The following EPHA3 variants were observed in gnomAD, a reference collection of about 807,000 sequenced individuals.
EPHA3 encodes the protein EPH receptor A3.
A neutral mutation model predicts 107.1 loss-of-function variants in EPHA3; 42 were observed. That is an observed-to-expected ratio of 0.39 (90% CI 0.31 to 0.51). The LOEUF is 0.51. EPHA3 is among the 20% of genes least tolerant of loss of function. EPHA3 has a pLI of 0.78. For synonymous variants in EPHA3, 461 were observed against 424.8 expected, an observed-to-expected ratio of 1.09 and a Z score of -1.05; for missense variants, 1,183 against 1,211.2, an observed-to-expected ratio of 0.98 and a Z score of 0.35.
At chr3:89,113,485 C>CAAAAAAAAA (rs753848304) in intron 1 of EPHA3, among the ~76,000 whole-genome samples, 2,451 of 31,090 alleles carry the variant, frequency 0.079, 885 homozygotes, top group Non-Finnish European at 0.12. Context: ...TTCCTTTGTA[C>CAAAAAAAAA]AAAAAAAAAA....
intron 5 of EPHA3, among the ~76,000 whole-genome samples, chr3:89,374,286 C>T (rs1233759621): frequency 1.3e-5 from 2 of 151,818 alleles, no homozygotes. Flanking sequence ...TAGATTTTTG[C>T]AGAATCATCT....
chr3:89,231,554 T>C (rs1387247921), intron 3 of EPHA3, among the ~76,000 whole-genome samples: 1 of 152,150 alleles, frequency 6.6e-6, no homozygotes, highest in African/African-American at 2.4e-5. Context: ...TTTTGGACAA[T>C]ATAGAATAGT....
chr3:89,284,690 A>C (rs998513807), intron 3 of EPHA3, among the ~76,000 whole-genome samples: 7 of 152,192 alleles, frequency 4.6e-5, no homozygotes, highest in Non-Finnish European at 1.0e-4. Context: ...ATCTAAAGTG[A>C]AATTCAACTT....
At chr3:89,187,330 TAATA>T (rs1391818736) in intron 2 of EPHA3, among the ~76,000 whole-genome samples, 1 of 148,408 alleles carries the variant, frequency 6.7e-6, no homozygotes, top group East Asian at 1.9e-4. Flanking sequence ...ATTAATAAAT[TAATA>T]AATATTAATA....
At chr3:89,252,749 A>G (rs1705193289) in intron 3 of EPHA3, among the ~76,000 whole-genome samples, 1 of 151,872 alleles carries the variant, frequency 6.6e-6, no homozygotes, top group South Asian at 2.1e-4. Context: ...ATATTATTCA[A>G]GTTTTTCATG....
chr3:89,324,155 CTT>C (rs749957896), intron 3 of EPHA3, among the ~76,000 whole-genome samples: 44 of 118,952 alleles, frequency 3.7e-4, no homozygotes, highest in Middle Eastern at 4.4e-3. Flanking sequence ...AGATGTCAGT[CTT>C]TTTTTTTTTT....
intron 3 of EPHA3, among the ~76,000 whole-genome samples, chr3:89,329,528 C>T (rs1576315066): frequency 6.6e-6 from 1 of 152,162 alleles, no homozygotes; most frequent in East Asian, 1.9e-4. Context: ...CCCATTCTTC[C>T]TGTCCTCTAA....
intron 5 of EPHA3, among the ~76,000 whole-genome samples, chr3:89,389,144 C>T (rs551099738): frequency 9.2e-5 from 14 of 152,164 alleles, no homozygotes; most frequent in Middle Eastern, 3.4e-3. Flanking sequence ...GGTTTTGTAG[C>T]TAAAATAGAA....
At chr3:89,184,565 C>A (rs988081867) in intron 2 of EPHA3, among the ~76,000 whole-genome samples, 5 of 151,988 alleles carry the variant, frequency 3.3e-5, no homozygotes, top group Admixed American at 6.6e-5. Context: ...ACTGGAACAA[C>A]CAAACTCTTA....
intron 10 of EPHA3, 125 bp from the exon 11 acceptor site, chr3:89,419,080 T>A (rs1709304806): frequency 1.1e-6 from 1 of 939,154 alleles, no homozygotes; most frequent in Non-Finnish European, 1.6e-6. Context: ...TACTAGAGTG[T>A]ACATCTTGCA....
intron 15 of EPHA3, among the ~76,000 whole-genome samples, chr3:89,460,823 CTTT>C (rs753656853): frequency 1.9e-5 from 2 of 103,032 alleles, no homozygotes; most frequent in Admixed American, 9.7e-5. Context: ...CTCTGTCTCT[CTTT>C]TTTTTTTTTT....
chr3:89,114,941 C>A (rs1484407461), intron 1 of EPHA3, among the ~76,000 whole-genome samples: 1 of 152,196 alleles, frequency 6.6e-6, no homozygotes, highest in Non-Finnish European at 1.5e-5. Flanking sequence ...GATCTACGAT[C>A]GCCCTGCCGC....
chr3:89,380,973 T>C (rs1708491926), intron 5 of EPHA3, among the ~76,000 whole-genome samples: 1 of 151,462 alleles, frequency 6.6e-6, no homozygotes, highest in Non-Finnish European at 1.5e-5. Context: ...TATAGGCTGT[T>C]TGTTTGTTTC....
intron 1 of EPHA3, among the ~76,000 whole-genome samples, chr3:89,109,573 C>T (rs1199509909): frequency 2.0e-5 from 3 of 151,680 alleles, no homozygotes; most frequent in East Asian, 1.9e-4. Flanking sequence ...GGAAAACAAC[C>T]TTTAAGTAAA....
chr3:89,222,210 T>C (rs1208006434), intron 3 of EPHA3, among the ~76,000 whole-genome samples: 5 of 151,806 alleles, frequency 3.3e-5, no homozygotes, highest in African/African-American at 9.7e-5. Flanking sequence ...GCTTGCACAA[T>C]ATGCTTCATT....
At chr3:89,447,896 G>A (rs1709907932) in intron 13 of EPHA3, among the ~76,000 whole-genome samples, 1 of 152,120 alleles carries the variant, frequency 6.6e-6, no homozygotes, top group African/African-American at 2.4e-5. Flanking sequence ...GCCCCCTTGA[G>A]CATCACTTCA....
intron 2 of EPHA3, among the ~76,000 whole-genome samples, chr3:89,180,238 A>G (rs1054439845): frequency 2.0e-5 from 3 of 151,968 alleles, no homozygotes; most frequent in African/African-American, 7.2e-5. Context: ...CATCTAAGAT[A>G]TCTTAAATAG....
chr3:89,399,527 C>T lies in EPHA3; in HGVS notation c.1594+47C>T, dbSNP rs777161696. On this transcript the variant is annotated intron_variant, in intron 7 of 16. Coordinates refer to ENST00000336596, the MANE Select transcript of EPHA3 (RefSeq NM_005233.6). Reference sequence around the variant, plus strand: ...TCTAGAGGAGGGGGCAGGGATCTTGCAAAAGATGTCTGATCGTTTATTCTC... The same window carrying T: ...TCTAGAGGAGGGGGCAGGGATCTTGTAAAAGATGTCTGATCGTTTATTCTC... 1.2e-5 allele frequency: 19 copies of T among 1,597,278 alleles called. No individual in the cohort carries two copies. In the Admixed American group the frequency reaches 3.1e-4, roughly 26 times the overall value.
chr3:89,205,399 A>G (rs182830570), intron 2 of EPHA3, among the ~76,000 whole-genome samples: 1 of 152,324 alleles, frequency 6.6e-6, no homozygotes, highest in Admixed American at 6.5e-5. Flanking sequence ...TGCTATCTAG[A>G]AAATATAAAC....
Sources: allele counts gnomAD v4.1 joint callset (sites outside exome capture counted in the v4.1 genomes callset), GRCh38; gene constraint gnomAD v4.1.1; transcripts MANE v1.5; gene names NCBI Gene and HGNC (gene_info 2026-07-23, HGNC 2026-07-21).